The following FBXL7 variants were observed in gnomAD, a reference collection of about 807,000 sequenced individuals.
FBXL7 encodes F-box/LRR-repeat protein 7.
A neutral mutation model predicts 38.3 loss-of-function variants in FBXL7; 12 were observed. The observed-to-expected ratio is 0.31, with a 90% CI of 0.20 to 0.51. FBXL7 has a LOEUF of 0.51. Among genes scored for constraint, FBXL7 ranks in the 20% least tolerant of loss-of-function variants. The pLI is 0.98. For missense variants in FBXL7, 567 were observed against 676.4 expected, an observed-to-expected ratio of 0.84 and a Z score of 1.79; for synonymous variants, 297 against 300.9, an observed-to-expected ratio of 0.99 and a Z score of 0.13.
At chr5:15,926,839 T>C (rs1741888033) in intron 2 of FBXL7, among the ~76,000 whole-genome samples, 1 of 151,950 alleles carries the variant, frequency 6.6e-6, no homozygotes, top group Non-Finnish European at 1.5e-5. Context: ...GGCACTGTTT[T>C]CAACAGAAAC....
At chr5:15,716,171 G>A (rs13157120) in intron 2 of FBXL7, among the ~76,000 whole-genome samples, 23,434 of 152,142 alleles carry the variant, frequency 0.15, 2,400 homozygotes, top group East Asian at 0.44. Flanking sequence ...GATTGCTAAC[G>A]CTCTATTGTT....
chr5:15,869,201 A>G (rs961122100), intron 2 of FBXL7, among the ~76,000 whole-genome samples: 20 of 152,178 alleles, frequency 1.3e-4, no homozygotes, highest in African/African-American at 4.6e-4. Context: ...TAATCTTGGA[A>G]GTGATATCCC....
intron 1 of FBXL7, among the ~76,000 whole-genome samples, chr5:15,521,729 G>A (rs942727677): frequency 4.6e-5 from 7 of 152,184 alleles, no homozygotes; most frequent in East Asian, 1.9e-4. Flanking sequence ...CAGTGCTCTC[G>A]TGGGAAAAAG....
intron 1 of FBXL7, among the ~76,000 whole-genome samples, chr5:15,552,934 T>G (rs1027338169): frequency 6.6e-6 from 1 of 151,924 alleles, no homozygotes; most frequent in Non-Finnish European, 1.5e-5. Context: ...ATACAAAAAT[T>G]AGCCAGGCGT....
chr5:15,672,682 G>A (rs1334679589), intron 2 of FBXL7, among the ~76,000 whole-genome samples: 1 of 151,032 alleles, frequency 6.6e-6, no homozygotes, highest in Non-Finnish European at 1.5e-5. Flanking sequence ...AGCCTCCCAA[G>A]TAGCTGAGAC....
Position 15,554,379 on chromosome 5 carries a change from G to A in FBXL7, c.37+53666G>A, listed in dbSNP as rs1002696167. Among the ~76,000 whole-genome samples, 8 of 152,088 alleles carry A rather than the reference G, an allele frequency of 5.3e-5. No individual in the cohort carries two copies. The South Asian group carries it at 6.2e-4, about 12-fold the overall frequency. On this transcript the variant is annotated intron_variant, in intron 1 of 3. Coordinates refer to ENST00000504595, the MANE Select transcript of FBXL7 (RefSeq NM_012304.5). ...AAGTCCCCAGTAAAACTTGTGCTTC[G>A]ATTTAGAACAGTCGTAACTACCAAC...
chr5:15,827,933 A>G (rs1282891907), intron 2 of FBXL7, among the ~76,000 whole-genome samples: 2 of 152,222 alleles, frequency 1.3e-5, no homozygotes. Context: ...CTCCATGCCA[A>G]AAATTGTTAA....
At chr5:15,518,025 C>T (rs996284877) in intron 1 of FBXL7, among the ~76,000 whole-genome samples, 1 of 152,108 alleles carries the variant, frequency 6.6e-6, no homozygotes, top group Non-Finnish European at 1.5e-5. Flanking sequence ...GGGTCTCGCT[C>T]TGTCACCCAG....
chr5:15,556,084 CATCT>C lies in FBXL7; in HGVS notation c.37+55381_37+55384del, dbSNP rs3033683. Among the ~76,000 whole-genome samples the C allele has an allele frequency of 1.5e-4, 22 of 150,550 alleles. No homozygotes were observed. In the South Asian group the frequency reaches 2.5e-3, roughly 17 times the overall value. ...TTATCTTCATCTGTTTATTATCTAT[CATCT>C]ATCTATCTACCTATCTATCTATCTA... On this transcript the variant is annotated intron_variant, in intron 1 of 3. Coordinates refer to ENST00000504595, the MANE Select transcript of FBXL7 (RefSeq NM_012304.5).
chr5:15,736,627 C>A (rs1735757525), intron 2 of FBXL7, among the ~76,000 whole-genome samples: 1 of 152,134 alleles, frequency 6.6e-6, no homozygotes, highest in Non-Finnish European at 1.5e-5. Flanking sequence ...GTCCCTTTTT[C>A]TCCATTTGGC....
intron 2 of FBXL7, among the ~76,000 whole-genome samples, chr5:15,637,223 G>A (rs370416144): frequency 2.0e-5 from 3 of 152,128 alleles, no homozygotes; most frequent in East Asian, 3.9e-4. Context: ...CTTTCCAATG[G>A]GCAGAAATTG....
chr5:15,537,663 G>C (rs544878850), intron 1 of FBXL7, among the ~76,000 whole-genome samples: 10 of 152,236 alleles, frequency 6.6e-5, no homozygotes, highest in Non-Finnish European at 8.8e-5. Flanking sequence ...ATAGAAGTAC[G>C]GGGTTTATTC....
rs185696405 is a variant in FBXL7 at position 15,712,913 on chromosome 5, C to T, written c.127+96841C>T. Among the ~76,000 whole-genome samples the T allele has an allele frequency of 3.5e-4, 53 of 152,280 alleles. No individual in the cohort carries two copies. In the Middle Eastern group the frequency reaches 0.01, roughly 29 times the overall value. On this transcript the variant is annotated intron_variant, in intron 2 of 3. Transcript: ENST00000504595. ...ATCTACTCAGACCAAAAAGCTACAG[C>T]ATCTATAAGTTGTCTAAATTATCTG... is the stretch of plus-strand genomic sequence containing the variant.
chr5:15,829,486 C>CA (rs34442619), intron 2 of FBXL7, among the ~76,000 whole-genome samples: 134,983 of 151,358 alleles, frequency 0.89, 59,886 homozygotes, highest in East Asian at 0.92. Flanking sequence ...TAAAAACAAA[C>CA]AAAGCATGGT....
intron 1 of FBXL7, among the ~76,000 whole-genome samples, chr5:15,599,080 G>C (rs147797115): frequency 1.3e-5 from 2 of 152,142 alleles, no homozygotes; most frequent in African/African-American, 2.4e-5. Flanking sequence ...ACTGGTGGAC[G>C]TGATCACTTT....
chr5:15,789,422 G>T, intron 2 of FBXL7, among the ~76,000 whole-genome samples: 1 of 152,042 alleles, frequency 6.6e-6, no homozygotes. Context: ...TTTTCCACCT[G>T]CACAGCCCAC....
intron 1 of FBXL7, among the ~76,000 whole-genome samples, chr5:15,564,099 T>C (rs1738493708): frequency 6.6e-6 from 1 of 152,128 alleles, no homozygotes; most frequent in Admixed American, 6.6e-5. Flanking sequence ...TGGTATATAC[T>C]GAACCATTTG....
intron 2 of FBXL7, among the ~76,000 whole-genome samples, chr5:15,845,291 C>T (rs981013494): frequency 3.9e-5 from 6 of 152,186 alleles, no homozygotes; most frequent in African/African-American, 1.2e-4. Flanking sequence ...GTTTGTCTTT[C>T]TGCACATACC....
At position 15,792,254 on chromosome 5, in the gene FBXL7, G is replaced by T. The variant is rs569728258; in HGVS notation, c.128-135636G>T. On this transcript the variant is annotated intron_variant, in intron 2 of 3. Transcript: ENST00000504595. Reference sequence around the variant, plus strand: ...TGATGCCATGGAGTATCTTCCCAGGGGTTTAAGAGGAAGCAGAAACGAGGG... The same window carrying T: ...TGATGCCATGGAGTATCTTCCCAGGTGTTTAAGAGGAAGCAGAAACGAGGG... Among the ~76,000 whole-genome samples the T allele has an allele frequency of 1.8e-3, 267 of 152,196 alleles. 1 individual carries two copies. The highest frequency in any genetic ancestry group is 6.1e-3 in the African/African-American group (253 of 41,512).
Sources: allele counts gnomAD v4.1 joint callset (sites outside exome capture counted in the v4.1 genomes callset), GRCh38; gene constraint gnomAD v4.1.1; transcripts MANE v1.5; gene names NCBI Gene and HGNC (gene_info 2026-07-23, HGNC 2026-07-21).